The following PCDH15 variants were observed in gnomAD, a reference collection of about 807,000 sequenced individuals.
PCDH15 encodes the protein protocadherin related 15.
PCDH15 carries 129 observed loss-of-function variants against 178.5 expected under a neutral mutation model. That is an observed-to-expected ratio of 0.72 (90% confidence interval 0.63 to 0.84). PCDH15 has a LOEUF of 0.84. Among genes scored for constraint, PCDH15 ranks in the 40% least tolerant of loss-of-function variants. The pLI, the probability that PCDH15 is intolerant of heterozygous loss-of-function variation, is 0.00. For missense variants in PCDH15, 2,230 were observed against 2,099.9 expected (o/e 1.06, Z -1.21); for synonymous variants, 800 against 732.0 (o/e 1.09, Z -1.50).
At chr10:54,520,573 G>C (rs879298474) in intron 3 of PCDH15, among the ~76,000 whole-genome samples, 1 of 152,064 alleles carries the variant, frequency 6.6e-6, no homozygotes, top group Non-Finnish European at 1.5e-5. Context: ...AACAGGTGCT[G>C]GAGAGGATGT....
intron 3 of PCDH15, among the ~76,000 whole-genome samples, chr10:54,438,870 T>G (rs1315557969): frequency 1.3e-5 from 2 of 152,100 alleles, no homozygotes; most frequent in Non-Finnish European, 2.9e-5. Flanking sequence ...CACTCTCACT[T>G]AGGCAGCTAA....
chr10:55,618,884 A>T (rs1843530867), intron 2 of PCDH15, among the ~76,000 whole-genome samples: 1 of 152,090 alleles, frequency 6.6e-6, no homozygotes, highest in Admixed American at 6.6e-5. Flanking sequence ...GGATGAAGGC[A>T]GATAAAGAGA....
At chr10:55,397,298 A>G (rs1588986454) in intron 2 of PCDH15, among the ~76,000 whole-genome samples, 4 of 152,240 alleles carry the variant, frequency 2.6e-5, no homozygotes, top group African/African-American at 9.6e-5. Context: ...AGAAAACTCG[A>G]AATTTTTGCA....
At chr10:54,770,563 A>T (rs142465989) in intron 1 of PCDH15, among the ~76,000 whole-genome samples, 11 of 152,190 alleles carry the variant, frequency 7.2e-5, no homozygotes, top group African/African-American at 2.4e-4. Context: ...GTGGACATTT[A>T]GGATATGTAC....
At chr10:55,568,815 C>G (rs1046476969) in intron 2 of PCDH15, among the ~76,000 whole-genome samples, 2 of 152,024 alleles carry the variant, frequency 1.3e-5, no homozygotes, top group South Asian at 2.1e-4. Context: ...GGAGATAGAA[C>G]AGCCTCACGT....
chr10:55,031,407 AATTTATCATCTCAT>A (rs1204357611), intron 2 of PCDH15, among the ~76,000 whole-genome samples: 3 of 152,178 alleles, frequency 2.0e-5, no homozygotes, highest in Non-Finnish European at 4.4e-5. Context: ...AAAATAGAGA[AATTTATCATCTCAT>A]ATAAAAGGAA....
At chr10:54,945,863 A>G (rs1203014836) in intron 2 of PCDH15, among the ~76,000 whole-genome samples, 3 of 151,800 alleles carry the variant, frequency 2.0e-5, no homozygotes, top group Non-Finnish European at 4.4e-5. Flanking sequence ...TATATTCTCA[A>G]AAGTGTTGTA....
chr10:55,446,946 G>A (rs1839331342), intron 2 of PCDH15, among the ~76,000 whole-genome samples: 1 of 152,000 alleles, frequency 6.6e-6, no homozygotes. Context: ...ACATTCTGGG[G>A]TAGTTTGTAT....
chr10:55,002,407 G>A (rs767008103), intron 2 of PCDH15, among the ~76,000 whole-genome samples: 3 of 152,142 alleles, frequency 2.0e-5, no homozygotes, highest in African/African-American at 4.8e-5. Context: ...TGGCAAGTTT[G>A]CATTGAACCT....
chr10:54,910,067 C>T (rs1041440036), intron 2 of PCDH15, among the ~76,000 whole-genome samples: 8 of 152,148 alleles, frequency 5.3e-5, no homozygotes, highest in Admixed American at 3.9e-4. Context: ...AAGTCCTGCC[C>T]ATCTGTGCGA....
chr10:54,306,564 C>A (rs1010472752), intron 8 of PCDH15, among the ~76,000 whole-genome samples: 1 of 151,944 alleles, frequency 6.6e-6, no homozygotes, highest in Admixed American at 6.6e-5. Context: ...ATGCAGCCAA[C>A]CGATATCATA....
chr10:54,664,763 C>T (rs2094544289), intron 1 of PCDH15, among the ~76,000 whole-genome samples: 1 of 151,710 alleles, frequency 6.6e-6, no homozygotes, highest in Non-Finnish European at 1.5e-5. Flanking sequence ...ATGTTAATTC[C>T]TTTCTAGTAG....
intron 2 of PCDH15, among the ~76,000 whole-genome samples, chr10:54,644,329 G>C (rs2094070824): frequency 6.8e-6 from 1 of 148,120 alleles, no homozygotes; most frequent in Admixed American, 6.7e-5. Flanking sequence ...TACAATCATA[G>C]ACTGGGTTCC....
At chr10:54,410,673 C>A (rs142541780) in intron 3 of PCDH15, among the ~76,000 whole-genome samples, 2 of 152,102 alleles carry the variant, frequency 1.3e-5, no homozygotes, top group Non-Finnish European at 2.9e-5. Flanking sequence ...ACAATGTACA[C>A]ATTTTCTGAG....
chr10:55,328,259 C>T (rs1844087474), intron 2 of PCDH15, among the ~76,000 whole-genome samples: 1 of 151,670 alleles, frequency 6.6e-6, no homozygotes, highest in South Asian at 2.1e-4. Flanking sequence ...TACAGTCATT[C>T]ATTGCTTAAT....
chr10:53,997,859 T>C (rs1434212873), intron 20 of PCDH15, among the ~76,000 whole-genome samples: 2 of 152,214 alleles, frequency 1.3e-5, no homozygotes, highest in Admixed American at 6.5e-5. Context: ...GTTATTGTAG[T>C]AGTATTTCTT....
rs544781048 is a variant in PCDH15 at position 53,828,475 on chromosome 10, G to C, written c.4211+90C>G. On this transcript the variant is annotated intron_variant, in intron 31 of 37. Coordinates refer to ENST00000644397, the MANE Select transcript of PCDH15 (RefSeq NM_001384140.1). ...ACGCAAAACAAGGGAATAAGATGTG[G>C]TTCTGAGCAGGCTGACTTGATTGAT... The C allele has an allele frequency of 8.2e-5, 91 of 1,111,802 alleles. No individual in the cohort carries two copies. In the South Asian group the frequency reaches 1.1e-3, roughly 14 times the overall value. The allele number at this position is 1,111,802 out of a possible 1,614,324, so 68.9% of individuals were successfully genotyped here.
chr10:55,412,791 A>C (rs530718415), intron 2 of PCDH15, among the ~76,000 whole-genome samples: 1 of 151,710 alleles, frequency 6.6e-6, no homozygotes, highest in African/African-American at 2.4e-5. Context: ...TGTTTGAGAA[A>C]ATTTCAGCCA....
chr10:54,047,908 G>A (rs1283010346), intron 18 of PCDH15, among the ~76,000 whole-genome samples: 2 of 152,094 alleles, frequency 1.3e-5, no homozygotes, highest in Non-Finnish European at 1.5e-5. Flanking sequence ...GTAGAATGAT[G>A]TATTTTCCTT....
Sources: allele counts gnomAD v4.1 joint callset (sites outside exome capture counted in the v4.1 genomes callset), GRCh38; gene constraint gnomAD v4.1.1; transcripts MANE v1.5; gene names NCBI Gene and HGNC (gene_info 2026-07-23, HGNC 2026-07-21).